The following RORA variants were observed in gnomAD, a reference collection of about 807,000 sequenced individuals.
The protein encoded by RORA is nuclear receptor ROR-alpha.
RORA carries 7 observed loss-of-function variants against 69.5 expected under a neutral mutation model. The ratio of observed to expected loss-of-function variants is 0.10; its 90% CI spans 0.06 to 0.19. RORA has a LOEUF of 0.19. RORA is among the 10% of genes least tolerant of loss of function. The pLI is 1.00. For missense variants in RORA, 457 were observed against 663.0 expected, an observed-to-expected ratio of 0.69 and a Z score of 3.41; for synonymous variants, 261 against 240.8, an observed-to-expected ratio of 1.08 and a Z score of -0.78.
intron 2 of RORA, among the ~76,000 whole-genome samples, chr15:60,546,841 T>C (rs998543466): frequency 6.6e-6 from 1 of 152,176 alleles, no homozygotes; most frequent in African/African-American, 2.4e-5. Context: ...GAAGTCAGAA[T>C]TGTCCGTGAT....
intron 1 of RORA, among the ~76,000 whole-genome samples, chr15:61,227,819 G>C (rs900123606): frequency 3.9e-5 from 6 of 152,210 alleles, no homozygotes; most frequent in African/African-American, 1.4e-4. Flanking sequence ...GCTTCCTCCG[G>C]AGTGACAGGC....
At chr15:60,886,309 G>T (rs2073749340) in intron 1 of RORA, among the ~76,000 whole-genome samples, 1 of 152,206 alleles carries the variant, frequency 6.6e-6, no homozygotes, top group South Asian at 2.1e-4. Flanking sequence ...TTTCATTGAA[G>T]TGACTGGACA....
chr15:60,988,455 G>A (rs139619933), intron 1 of RORA, among the ~76,000 whole-genome samples: 3 of 152,166 alleles, frequency 2.0e-5, no homozygotes. Context: ...TTTTCAACCA[G>A]TGAGCATAAT....
intron 2 of RORA, among the ~76,000 whole-genome samples, chr15:60,626,439 G>C (rs1358176605): frequency 6.6e-6 from 1 of 152,118 alleles, no homozygotes; most frequent in Non-Finnish European, 1.5e-5. Flanking sequence ...CAAACTAAAG[G>C]GTGATTCTTG....
At chr15:60,786,868 G>C (rs2072341904) in intron 1 of RORA, among the ~76,000 whole-genome samples, 1 of 152,218 alleles carries the variant, frequency 6.6e-6, no homozygotes, top group African/African-American at 2.4e-5. Context: ...TGGAGTCTCA[G>C]CTCGTGATAG....
chr15:60,935,574 GGAACA>G (rs1445628151), intron 1 of RORA, among the ~76,000 whole-genome samples: 1 of 152,190 alleles, frequency 6.6e-6, no homozygotes, highest in East Asian at 1.9e-4. Flanking sequence ...TGCTTACACT[GGAACA>G]GAAAATCAGG....
chr15:60,866,793 T>C (rs1388941117), intron 1 of RORA, among the ~76,000 whole-genome samples: 6 of 151,220 alleles, frequency 4.0e-5, no homozygotes, highest in South Asian at 2.1e-4. Flanking sequence ...CTTTTCCATC[T>C]GGGTGTTCCT....
chr15:60,846,412 C>T (rs893195352), intron 1 of RORA, among the ~76,000 whole-genome samples: 2 of 152,240 alleles, frequency 1.3e-5, no homozygotes, highest in Admixed American at 6.5e-5. Flanking sequence ...TTCTCCTCCA[C>T]ACTATCACGT....
chr15:60,986,156 CG>C (rs1476041711), intron 1 of RORA, among the ~76,000 whole-genome samples: 1 of 151,552 alleles, frequency 6.6e-6, no homozygotes, highest in Non-Finnish European at 1.5e-5. Flanking sequence ...TTCCTGGAGA[CG>C]GAGTCTTGCT....
At chr15:61,072,074 A>G (rs1415722943) in intron 1 of RORA, among the ~76,000 whole-genome samples, 3 of 152,208 alleles carry the variant, frequency 2.0e-5, no homozygotes, top group African/African-American at 7.2e-5. Context: ...GATGTCACAG[A>G]TAAAGAACAC....
At chr15:60,779,276 T>A (rs1055917532) in intron 1 of RORA, among the ~76,000 whole-genome samples, 9 of 152,106 alleles carry the variant, frequency 5.9e-5, no homozygotes, top group Non-Finnish European at 7.4e-5. Flanking sequence ...CTCTCCCAGG[T>A]TGGCCCAACT....
At chr15:60,725,844 G>T (rs1356612449) in intron 1 of RORA, among the ~76,000 whole-genome samples, 1 of 152,162 alleles carries the variant, frequency 6.6e-6, no homozygotes, top group Admixed American at 6.5e-5. Context: ...CACTGGGTCA[G>T]TCATACGAGT....
At chr15:60,541,394 G>C (rs8026772) in intron 2 of RORA, among the ~76,000 whole-genome samples, 7,397 of 152,256 alleles carry the variant, frequency 0.049, 637 homozygotes, top group African/African-American at 0.17. Flanking sequence ...ACCAAACAAC[G>C]TGAGGACTTG....
At chr15:61,177,854 C>T (rs564000394) in intron 1 of RORA, among the ~76,000 whole-genome samples, 63 of 151,392 alleles carry the variant, frequency 4.2e-4, no homozygotes, top group African/African-American at 1.3e-3. Context: ...CTCAGCTGCT[C>T]GGGAGGCTGA....
chr15:60,838,843 A>AACACAC (rs58762022), intron 1 of RORA, among the ~76,000 whole-genome samples: 3,399 of 121,984 alleles, frequency 0.028, 58 homozygotes, highest in African/African-American at 0.058. Context: ...ACATTCATTC[A>AACACAC]ACACACACAC....
At chr15:60,538,004 C>T (rs1238495088) in intron 2 of RORA, among the ~76,000 whole-genome samples, 1 of 152,150 alleles carries the variant, frequency 6.6e-6, no homozygotes, top group African/African-American at 2.4e-5. Context: ...CTAAAGGAGG[C>T]AGATAGGTAT....
At chr15:60,762,952 T>C (rs1490071781) in intron 1 of RORA, among the ~76,000 whole-genome samples, 1 of 152,004 alleles carries the variant, frequency 6.6e-6, no homozygotes, top group Non-Finnish European at 1.5e-5. Context: ...GTGCTGAAAG[T>C]CTTTTAACCT....
intron 1 of RORA, among the ~76,000 whole-genome samples, chr15:60,947,874 G>A (rs867702411): frequency 1.2e-4 from 19 of 152,112 alleles, no homozygotes; most frequent in South Asian, 2.1e-4. Context: ...AACAGGCAGG[G>A]CATGGGGCCT....
At chr15:60,899,312 C>T (rs1264459847) in intron 1 of RORA, among the ~76,000 whole-genome samples, 2 of 152,180 alleles carry the variant, frequency 1.3e-5, no homozygotes, top group Non-Finnish European at 2.9e-5. Flanking sequence ...ATGTCAAAAG[C>T]ACATCATGCA....
Sources: allele counts gnomAD v4.1 joint callset (sites outside exome capture counted in the v4.1 genomes callset), GRCh38; gene constraint gnomAD v4.1.1; transcripts MANE v1.5; gene names NCBI Gene and HGNC (gene_info 2026-07-23, HGNC 2026-07-21).